The following FBXL17 variants were observed in gnomAD, a reference collection of about 807,000 sequenced individuals.
FBXL17 encodes the protein F-box/LRR-repeat protein 17.
In FBXL17, 22 loss-of-function variants were observed where a neutral mutation model predicts 66.2. The observed-to-expected ratio is 0.33, with a 90% CI of 0.24 to 0.47. The LOEUF is 0.47. FBXL17 is among the 20% of genes least tolerant of loss of function. FBXL17 has a pLI of 1.00. For missense variants in FBXL17, 878 were observed against 948.2 expected (o/e 0.93, Z 0.97); for synonymous variants, 474 against 400.5 (o/e 1.18, Z -2.19).
chr5:108,020,814 G>A (rs1580338230), intron 7 of FBXL17, 111 bp downstream of exon 7: 1 of 745,026 alleles, frequency 1.3e-6, no homozygotes, highest in Non-Finnish European at 2.3e-6. Context: ...ATGAGCATAA[G>A]TGACGATAGA....
intron 7 of FBXL17, among the ~76,000 whole-genome samples, chr5:107,893,507 A>G (rs945683123): frequency 6.6e-6 from 1 of 152,210 alleles, no homozygotes; most frequent in Non-Finnish European, 1.5e-5. Context: ...TAAAAACAAG[A>G]TACTGTTGTA....
In FBXL17 at chr5:107,861,705, G is replaced by A. The variant is rs774714019; in HGVS notation, c.*15C>T. ...TCTGCTGAATGATCCCAGTGGACTA[G>A]GCGAGGCAGGAGCGCTAGGAGGAGG... On this transcript the variant is annotated 3_prime_UTR_variant, in exon 9 of 9. Transcript: ENST00000542267. 14 of 1,561,532 alleles carry A rather than the reference G, an allele frequency of 9.0e-6. 1 individual carries two copies. The highest frequency in any genetic ancestry group is 3.5e-6 in the Non-Finnish European group (4 of 1,151,352).
intron 6 of FBXL17, among the ~76,000 whole-genome samples, chr5:108,141,745 C>G (rs750938465): frequency 6.6e-6 from 1 of 152,230 alleles, no homozygotes; most frequent in Non-Finnish European, 1.5e-5. Flanking sequence ...CTTTCTAACA[C>G]TCATCCTCCT....
intron 4 of FBXL17, among the ~76,000 whole-genome samples, chr5:108,233,601 G>C (rs2966795): frequency 0.45 from 68,520 of 151,984 alleles, 15,773 homozygotes; most frequent in Non-Finnish European, 0.5. Flanking sequence ...GATTCAACAT[G>C]ATTCACATGG....
Position 108,364,817 on chromosome 5 carries a change from G to A in FBXL17, c.1295C>T (p.Ala432Val), listed in dbSNP as rs1186636544. ...CKQLSDTSIIAVASHCPLLQK... is the reference protein window; with the variant it reads ...CKQLSDTSIIVVASHCPLLQK... ...AAGTAAAGGACAGTGAGAGGCAACC[G>A]CAATAATAGAGGTGTCAGAAAGCTG... is the stretch of plus-strand genomic sequence containing the variant. Residue 432 changes from alanine (A) to valine (V), a missense_variant, in exon 3 of 9, where the codon GCG becomes GTG. Ala to Val is a moderately conservative substitution (Grantham distance 64). Around this residue, in one of 4 missense-constraint regions of FBXL17, gnomAD observed 236 missense variants for 389.1 expected, o/e 0.61. Transcript: ENST00000542267. The A allele has an allele frequency of 3.7e-6, 6 of 1,612,330 alleles. No homozygotes were observed. Among genetic ancestry groups the A allele is most frequent in the African/African-American group, 1.3e-5 (1 of 74,834 alleles).
intron 5 of FBXL17, among the ~76,000 whole-genome samples, chr5:108,195,872 G>A (rs544649385): frequency 6.6e-6 from 1 of 152,088 alleles, no homozygotes; most frequent in African/African-American, 2.4e-5. Flanking sequence ...GTTTTGGTTT[G>A]AGCAATCAGA....
At chr5:108,224,592 T>TTTTTG (rs1177824998) in intron 4 of FBXL17, among the ~76,000 whole-genome samples, 6 of 151,616 alleles carry the variant, frequency 4.0e-5, no homozygotes, top group Admixed American at 6.6e-5. Flanking sequence ...GTTTTGGGGT[T>TTTTTG]TTTTGTTTTG....
chr5:107,867,953 C>T (rs769906222), intron 8 of FBXL17, among the ~76,000 whole-genome samples: 1 of 152,110 alleles, frequency 6.6e-6, no homozygotes, highest in Non-Finnish European at 1.5e-5. Flanking sequence ...TTTATTTTGG[C>T]AAAATACTTG....
intron 4 of FBXL17, among the ~76,000 whole-genome samples, chr5:108,241,789 C>T (rs2150101432): frequency 6.6e-6 from 1 of 152,238 alleles, no homozygotes; most frequent in South Asian, 2.1e-4. Flanking sequence ...AAACAAATAA[C>T]ACACAATGGA....
chr5:107,915,442 G>GT (rs2112553209), intron 7 of FBXL17, among the ~76,000 whole-genome samples: 1 of 152,270 alleles, frequency 6.6e-6, no homozygotes, highest in East Asian at 1.9e-4. Flanking sequence ...CCCAGACTGG[G>GT]TAAGGGCTGG....
At chr5:108,298,249 C>T (rs1758429904) in intron 4 of FBXL17, 1 of 984,420 alleles carries the variant, frequency 1.0e-6, no homozygotes, top group African/African-American at 1.7e-5. Context: ...TTATAGTCTT[C>T]TTGCTACTTC....
chr5:108,186,738 C>CAGG (rs1753251984), intron 5 of FBXL17, among the ~76,000 whole-genome samples: 1 of 149,170 alleles, frequency 6.7e-6, no homozygotes, highest in African/African-American at 2.5e-5. Context: ...CACTGCACTC[C>CAGG]AGCCTGGCAA....
At chr5:107,888,828 T>C (rs1749092993) in intron 7 of FBXL17, among the ~76,000 whole-genome samples, 1 of 152,234 alleles carries the variant, frequency 6.6e-6, no homozygotes, top group Non-Finnish European at 1.5e-5. Context: ...GACATATGTT[T>C]TCATTTCATG....
At chr5:108,114,870 C>G (rs927785840) in intron 6 of FBXL17, among the ~76,000 whole-genome samples, 21 of 152,084 alleles carry the variant, frequency 1.4e-4, no homozygotes, top group African/African-American at 4.8e-4. Flanking sequence ...ATTTCATGTC[C>G]TAAGTCCAGA....
At chr5:108,266,815 G>C (rs1757064145) in intron 4 of FBXL17, among the ~76,000 whole-genome samples, 1 of 152,118 alleles carries the variant, frequency 6.6e-6, no homozygotes, top group Admixed American at 6.5e-5. Flanking sequence ...AGATGGAAAA[G>C]GCATTGTATT....
intron 6 of FBXL17, among the ~76,000 whole-genome samples, chr5:108,083,540 C>A (rs1032073978): frequency 6.6e-5 from 10 of 151,486 alleles, no homozygotes; most frequent in Admixed American, 1.3e-4. Context: ...AGCTGGGACA[C>A]AGGTGCATCC....
intron 5 of FBXL17, among the ~76,000 whole-genome samples, chr5:108,218,179 T>C (rs774404006): frequency 6.6e-6 from 1 of 151,836 alleles, no homozygotes; most frequent in South Asian, 2.1e-4. Flanking sequence ...CTAATTTTTT[T>C]ATATTTTTTT....
chr5:108,300,867 T>C (rs1424295397), intron 4 of FBXL17, among the ~76,000 whole-genome samples: 1 of 151,744 alleles, frequency 6.6e-6, no homozygotes, highest in African/African-American at 2.4e-5. Context: ...CAAAATGATT[T>C]AGAATGAAAG....
intron 4 of FBXL17, among the ~76,000 whole-genome samples, chr5:108,268,892 C>T (rs1013317331): frequency 6.6e-6 from 1 of 151,930 alleles, no homozygotes; most frequent in African/African-American, 2.4e-5. Flanking sequence ...CTATTTAATA[C>T]AAGTTTTATG....
Sources: allele counts gnomAD v4.1 joint callset (sites outside exome capture counted in the v4.1 genomes callset), GRCh38; gene constraint gnomAD v4.1.1; regional missense constraint gnomAD v4.1.1; transcripts MANE v1.5; gene names NCBI Gene and HGNC (gene_info 2026-07-23, HGNC 2026-07-21).